The following NXPE2 variants were observed in gnomAD, a reference collection of about 807,000 sequenced individuals.
NXPE2 encodes the protein neurexophilin and PC-esterase domain family member 2, also known as NXPE family member 2.
In NXPE2, 34 loss-of-function variants were observed where a neutral mutation model predicts 34.4. That is an observed-to-expected ratio of 0.99 (90% CI 0.75 to 1.31). The LOEUF (loss-of-function observed/expected upper bound fraction) is 1.31. Ranked by LOEUF, NXPE2 falls within the 40% of genes most tolerant of loss-of-function variation. NXPE2 has a pLI of 0.00. For missense variants in NXPE2, 649 were observed against 672.5 expected, an observed-to-expected ratio of 0.97 and a Z score of 0.39; for synonymous variants, 235 against 231.3, an observed-to-expected ratio of 1.02 and a Z score of -0.15.
the NXPE2 span, among the ~76,000 whole-genome samples, chr11:114,644,270 G>A: frequency 5.3e-5 from 8 of 152,068 alleles, no homozygotes; most frequent in Non-Finnish European, 1.0e-4. Context: ...TGATTTCCCT[G>A]GCCAGAACTT....
chr11:114,806,009 C>T, the NXPE2 span, among the ~76,000 whole-genome samples: 37 of 152,248 alleles, frequency 2.4e-4, no homozygotes, highest in African/African-American at 4.6e-4. Context: ...TTCAGAGGAA[C>T]GATCAGGCAG....
At chr11:114,760,021 G>A in the NXPE2 span, among the ~76,000 whole-genome samples, 9 of 151,588 alleles carry the variant, frequency 5.9e-5, no homozygotes, top group African/African-American at 1.5e-4. Context: ...TTTTCATGGC[G>A]CTTCTAAATG....
At chr11:114,578,093 G>C in the NXPE2 span, among the ~76,000 whole-genome samples, 2 of 152,122 alleles carry the variant, frequency 1.3e-5, no homozygotes, top group Admixed American at 6.5e-5. Context: ...TTTGTAGTTA[G>C]AACTTTTGAG....
At chr11:114,697,218 A>C (rs1951274918) in intron 2 of NXPE2, among the ~76,000 whole-genome samples, 1 of 152,182 alleles carries the variant, frequency 6.6e-6, no homozygotes, top group Admixed American at 6.5e-5. Flanking sequence ...TCCTGGATTA[A>C]GGGGGATCCT....
chr11:114,727,816 C>CAT, the NXPE2 span, among the ~76,000 whole-genome samples: 1 of 151,096 alleles, frequency 6.6e-6, no homozygotes, highest in Admixed American at 6.6e-5. Context: ...CACACACACA[C>CAT]ATATCTTTCC....
At chr11:114,651,979 T>C in the NXPE2 span, among the ~76,000 whole-genome samples, 1 of 152,238 alleles carries the variant, frequency 6.6e-6, no homozygotes, top group East Asian at 1.9e-4. Context: ...GCACTCCAGC[T>C]TGCTGCATCC....
chr11:114,605,216 C>T, the NXPE2 span, among the ~76,000 whole-genome samples: 6 of 151,828 alleles, frequency 4.0e-5, no homozygotes, highest in Non-Finnish European at 7.4e-5. Context: ...AGTATTGCCT[C>T]GTGGGTAACT....
the NXPE2 span, among the ~76,000 whole-genome samples, chr11:114,806,171 C>A: frequency 6.6e-6 from 1 of 152,078 alleles, no homozygotes; most frequent in South Asian, 2.1e-4. Flanking sequence ...ACAGAAAGGA[C>A]GTCCACACCC....
At chr11:114,565,795 C>G in the NXPE2 span, among the ~76,000 whole-genome samples, 1 of 151,926 alleles carries the variant, frequency 6.6e-6, no homozygotes, top group African/African-American at 2.4e-5. Flanking sequence ...GGCTACTAGG[C>G]AAAGAATGGG....
the NXPE2 span, among the ~76,000 whole-genome samples, chr11:114,481,894 C>A: frequency 6.6e-6 from 1 of 152,116 alleles, no homozygotes; most frequent in African/African-American, 2.4e-5. Flanking sequence ...TGTTTATACA[C>A]CACCCTTCCT....
At chr11:114,659,799 C>A in the NXPE2 span, among the ~76,000 whole-genome samples, 1 of 151,732 alleles carries the variant, frequency 6.6e-6, no homozygotes, top group Non-Finnish European at 1.5e-5. Context: ...CCAAAGTAAG[C>A]AGAGGAAAAC....
the NXPE2 span, among the ~76,000 whole-genome samples, chr11:114,805,529 C>A: frequency 6.6e-6 from 1 of 152,240 alleles, no homozygotes; most frequent in East Asian, 1.9e-4. Flanking sequence ...AAATGGCATA[C>A]CAGGAGATTA....
At position 114,698,171 on chromosome 11, in the gene NXPE2, A is replaced by C; in HGVS notation, c.259A>C (p.Ile87Leu). 6.2e-7 allele frequency: 1 copy of C among 1,614,216 alleles called. No individual in the cohort carries two copies. Among genetic ancestry groups the C allele is most frequent in the Non-Finnish European group, 8.5e-7 (1 of 1,180,022 alleles). The change falls in exon 3 of 6, where the codon ATT becomes CTT. Residue 87 changes from isoleucine to leucine, a missense_variant. Transcript: ENST00000389586. Reference sequence around the variant, plus strand: ...AGAGACTGAACTTAGAATAAAGGACATTATGGAGAAACTAGACCAGCAGAT... The same window carrying C: ...AGAGACTGAACTTAGAATAAAGGACCTTATGGAGAAACTAGACCAGCAGAT... ...PKETELRIKD[I>L]MEKLDQQIPP...
At chr11:114,715,649 G>A in the NXPE2 span, among the ~76,000 whole-genome samples, 1 of 152,160 alleles carries the variant, frequency 6.6e-6, no homozygotes, top group Admixed American at 6.5e-5. Context: ...TATGATTCAT[G>A]CACCATTTTT....
the NXPE2 span, among the ~76,000 whole-genome samples, chr11:114,636,335 C>G: frequency 6.6e-6 from 1 of 151,938 alleles, no homozygotes; most frequent in African/African-American, 2.4e-5. Flanking sequence ...TTTATTGCGT[C>G]TATTTGATTC....
the NXPE2 span, chr11:114,521,890 G>A: frequency 8.9e-7 from 1 of 1,122,396 alleles, no homozygotes; most frequent in Middle Eastern, 2.1e-4. Flanking sequence ...TTCCTAAAAT[G>A]AGTAAAACTT....
chr11:114,583,521 G>A, the NXPE2 span: 29 of 612,966 alleles, frequency 4.7e-5, no homozygotes, highest in East Asian at 1.3e-4. Flanking sequence ...CACAGCAAGC[G>A]GATGCAGAGA....
chr11:114,528,740 G>C, the NXPE2 span: 8 of 574,590 alleles, frequency 1.4e-5, no homozygotes, highest in Non-Finnish European at 2.6e-5. Flanking sequence ...AAGGAAGAAA[G>C]GGATTAAGGG....
At chr11:114,519,299 T>G in the NXPE2 span, among the ~76,000 whole-genome samples, 1 of 152,220 alleles carries the variant, frequency 6.6e-6, no homozygotes. Context: ...CACTATCATA[T>G]GCTGTTCTCT....
Sources: gnomAD v4.1 joint callset for allele counts (sites outside exome capture counted in the v4.1 genomes callset) on GRCh38, gnomAD v4.1.1 for gene constraint, MANE v1.5 for transcripts, NCBI Gene and HGNC (gene_info 2026-07-23, HGNC 2026-07-21) for gene names.